AGBL1: variants seen among roughly 807,000 people sequenced by gnomAD.
The protein encoded by AGBL1 is cytosolic carboxypeptidase 4.
A neutral mutation model predicts 118.9 loss-of-function variants in AGBL1; 130 were observed. That is an observed-to-expected ratio of 1.09 (90% CI 0.95 to 1.26). The LOEUF (loss-of-function observed/expected upper bound fraction) is 1.26, where lower values mean the gene tolerates loss of function less well. Ranked by LOEUF, AGBL1 falls within the 50% of genes most tolerant of loss-of-function variation. The probability of loss-of-function intolerance (pLI) is 0.00; values close to 1 mark genes in which losing one functional copy is unlikely to be tolerated. For synonymous variants in AGBL1, 555 were observed against 478.9 expected, an observed-to-expected ratio of 1.16 and a Z score of -2.08; for missense variants, 1,584 against 1,298.1, an observed-to-expected ratio of 1.22 and a Z score of -3.38.
chr15:86,779,753 C>T (rs1459226424), intron 22 of AGBL1, among the ~76,000 whole-genome samples: 1 of 151,926 alleles, frequency 6.6e-6, no homozygotes, highest in African/African-American at 2.4e-5. Context: ...GTTTAATTTC[C>T]ATTTTTTTCA....
At chr15:86,356,134 G>T (rs2080713599) in intron 17 of AGBL1, among the ~76,000 whole-genome samples, 2 of 152,164 alleles carry the variant, frequency 1.3e-5, no homozygotes. Flanking sequence ...TTGACAGGAA[G>T]CACATAGCAG....
chr15:86,534,551 C>T (rs1277820573), intron 19 of AGBL1, among the ~76,000 whole-genome samples: 2 of 152,122 alleles, frequency 1.3e-5, no homozygotes, highest in East Asian at 1.9e-4. Flanking sequence ...TCACACAGAC[C>T]TTCTTGTGAC....
chr15:86,196,879 G>GCGCGCACACACA (rs756313941), intron 5 of AGBL1, among the ~76,000 whole-genome samples: 46 of 117,008 alleles, frequency 3.9e-4, no homozygotes, highest in South Asian at 2.8e-3. Flanking sequence ...GCGCGCGCGC[G>GCGCGCACACACA]CACACACACA....
intron 22 of AGBL1, among the ~76,000 whole-genome samples, chr15:86,849,517 C>CTTTCTTTCTT: frequency 7.3e-6 from 1 of 136,798 alleles, no homozygotes; most frequent in African/African-American, 2.7e-5. Context: ...TTCTTTCTTT[C>CTTTCTTTCTT]TTTTTTTTTT....
chr15:86,771,944 T>TA (rs1169046863), intron 22 of AGBL1, among the ~76,000 whole-genome samples: 1 of 152,014 alleles, frequency 6.6e-6, no homozygotes. Context: ...CCCTGGGAGA[T>TA]ACGGAAGTTC....
chr15:86,948,781 A>C (rs2080850724), intron 23 of AGBL1, among the ~76,000 whole-genome samples: 1 of 152,256 alleles, frequency 6.6e-6, no homozygotes, highest in Admixed American at 6.5e-5. Context: ...TGAGGAAGAG[A>C]AAAATAAAAT....
At chr15:86,342,479 TA>T (rs939708629) in intron 17 of AGBL1, among the ~76,000 whole-genome samples, 35 of 152,264 alleles carry the variant, frequency 2.3e-4, no homozygotes, top group African/African-American at 7.7e-4. Flanking sequence ...AAAGATTAAA[TA>T]TTTTTTTTAT....
At chr15:86,296,396 A>C (rs149813348) in intron 17 of AGBL1, 1 of 151,716 alleles carries the variant, frequency 6.6e-6, no homozygotes, top group Non-Finnish European at 1.5e-5. Context: ...GCCTTCTCTG[A>C]GGAAGATACA....
intron 18 of AGBL1, among the ~76,000 whole-genome samples, chr15:86,424,102 G>A (rs968758517): frequency 2.6e-5 from 4 of 152,054 alleles, no homozygotes; most frequent in Admixed American, 2.0e-4. Flanking sequence ...GAACAAAGCT[G>A]GAGGCATCAT....
intron 23 of AGBL1, among the ~76,000 whole-genome samples, chr15:86,925,068 C>G (rs1316601641): frequency 6.7e-6 from 1 of 150,188 alleles, no homozygotes; most frequent in East Asian, 2.0e-4. Flanking sequence ...CACCACTGCA[C>G]TCCAGCCTGT....
At chr15:86,780,314 G>C (rs376388402) in intron 22 of AGBL1, among the ~76,000 whole-genome samples, 1 of 152,062 alleles carries the variant, frequency 6.6e-6, no homozygotes, top group African/African-American at 2.4e-5. Flanking sequence ...ATTCTTTTCT[G>C]TTCTACTGAT....
At chr15:86,415,164 C>G (rs1383744834) in intron 18 of AGBL1, among the ~76,000 whole-genome samples, 1 of 152,156 alleles carries the variant, frequency 6.6e-6, no homozygotes, top group African/African-American at 2.4e-5. Context: ...GGCAAGTGGA[C>G]TGAGCCTTTC....
Position 86,680,942 on chromosome 15 carries a change from C to T in AGBL1, c.3158+6506C>T, listed in dbSNP as rs7183009. 5.5e-3 allele frequency among the ~76,000 whole-genome samples: 840 copies of T among 152,228 alleles called. 8 individuals are homozygous for T. The highest frequency in any genetic ancestry group is 0.019 in the African/African-American group (794 of 41,534). ...TAAAACAAAAATTATTTCTCTACTA[C>T]ATCAAAAATATTTCTTTCTTTCCTC... On this transcript the variant is annotated intron_variant, in intron 22 of 22. Coordinates refer to ENST00000614907, the MANE Select transcript of AGBL1 (RefSeq NM_001386094.1).
At chr15:86,385,116 A>C (rs1299378378) in intron 17 of AGBL1, among the ~76,000 whole-genome samples, 1 of 152,182 alleles carries the variant, frequency 6.6e-6, no homozygotes, top group Non-Finnish European at 1.5e-5. Context: ...GCAAGTATAA[A>C]GTATACTCCC....
At chr15:86,576,329 T>C (rs1449487551) in intron 21 of AGBL1, among the ~76,000 whole-genome samples, 1 of 151,948 alleles carries the variant, frequency 6.6e-6, no homozygotes, top group East Asian at 1.9e-4. Flanking sequence ...TTGGGCAGCC[T>C]CCAAACCAGA....
intron 5 of AGBL1, among the ~76,000 whole-genome samples, chr15:86,172,157 A>G (rs1023542261): frequency 6.6e-6 from 1 of 152,202 alleles, no homozygotes. Context: ...TCATGTAATC[A>G]TCACCTGTTC....
At chr15:86,680,217 C>G (rs1407300978) in intron 22 of AGBL1, among the ~76,000 whole-genome samples, 1 of 152,148 alleles carries the variant, frequency 6.6e-6, no homozygotes, top group Admixed American at 6.5e-5. Flanking sequence ...TAATGACTTG[C>G]ATTGCTCATC....
At chr15:86,775,940 G>A (rs2078249587) in intron 22 of AGBL1, among the ~76,000 whole-genome samples, 1 of 152,054 alleles carries the variant, frequency 6.6e-6, no homozygotes, top group South Asian at 2.1e-4. Flanking sequence ...TCACTGTGAA[G>A]TTGATAAATA....
At position 86,436,377 on chromosome 15, in the gene AGBL1, A is replaced by G. The variant is rs547093999; in HGVS notation, c.2555+38831A>G. On this transcript the variant is annotated intron_variant, in intron 18 of 22. Coordinates refer to ENST00000614907, the MANE Select transcript of AGBL1 (RefSeq NM_001386094.1). The stretch of plus-strand genomic sequence containing the variant: ...GAAAGAGGTAAATGTGGAGAATGAT[A>G]AAATTAAGCTAAGGAAAAAAATAGA... Among the ~76,000 whole-genome samples, 4 of 151,774 alleles carry G rather than the reference A, an allele frequency of 2.6e-5. No homozygotes were observed. In the South Asian group the frequency reaches 6.3e-4, roughly 24 times the overall value.
Sources: allele counts gnomAD v4.1 joint callset (sites outside exome capture counted in the v4.1 genomes callset), GRCh38; gene constraint gnomAD v4.1.1; transcripts MANE v1.5; gene names NCBI Gene and HGNC (gene_info 2026-07-23, HGNC 2026-07-21).